Variants in EMILIN2 observed in about 807,000 individuals in gnomAD.
The protein encoded by EMILIN2 is EMILIN-2.
EMILIN2 carries 71 observed loss-of-function variants against 87.1 expected under a neutral mutation model. That is an observed-to-expected ratio of 0.82 (90% confidence interval 0.67 to 0.99). The LOEUF is 0.99. Ranked by LOEUF, EMILIN2 falls within the 50% of genes least tolerant of loss-of-function variation. The probability of loss-of-function intolerance (pLI) is 0.00; values close to 1 mark genes in which losing one functional copy is unlikely to be tolerated. For missense variants in EMILIN2, 1,407 were observed against 1,371.8 expected (o/e 1.03, Z -0.40); for synonymous variants, 581 against 563.4 (o/e 1.03, Z -0.44).
chr18:2,902,816 A>G (rs668304), intron 4 of EMILIN2, among the ~76,000 whole-genome samples: 45,354 of 151,964 alleles, frequency 0.3, 6,986 homozygotes, highest in African/African-American at 0.36. Flanking sequence ...GCTTAGCAAC[A>G]AATTTGTGTG....
intron 4 of EMILIN2, among the ~76,000 whole-genome samples, chr18:2,893,715 T>C (rs2076850769): frequency 6.6e-6 from 1 of 152,188 alleles, no homozygotes. Context: ...TTTTGAACAC[T>C]TTCTATGTAC....
intron 2 of EMILIN2, among the ~76,000 whole-genome samples, chr18:2,859,230 T>TA (rs2076648620): frequency 6.6e-6 from 1 of 152,144 alleles, no homozygotes; most frequent in Admixed American, 6.5e-5. Flanking sequence ...CCAATATCTA[T>TA]TATTTTTAAA....
chr18:2,861,129 A>T (rs1342352490), intron 2 of EMILIN2, among the ~76,000 whole-genome samples: 1 of 152,078 alleles, frequency 6.6e-6, no homozygotes, highest in Non-Finnish European at 1.5e-5. Context: ...GATTCTGGAT[A>T]TTAGCCCTTT....
chr18:2,900,513 G>A (rs542985860), intron 4 of EMILIN2, among the ~76,000 whole-genome samples: 3 of 152,316 alleles, frequency 2.0e-5, no homozygotes, highest in South Asian at 2.1e-4. Flanking sequence ...GATGGACATC[G>A]ACTTGGAGTA....
intron 5 of EMILIN2, among the ~76,000 whole-genome samples, chr18:2,907,537 A>C (rs1417925616): frequency 6.6e-6 from 1 of 152,170 alleles, no homozygotes; most frequent in South Asian, 2.1e-4. Context: ...AAATGAGGAG[A>C]GTGCAGGACC....
In EMILIN2 at chr18:2,847,989, G is replaced by A. The variant is rs940355717; in HGVS notation, c.257+58G>A. ...CGCCCGGGCCGGGGCGGTGGGGGTG[G>A]GGTGGGGTTGCTGCGCTGGGCTCCA... On this transcript the variant is annotated intron_variant, in intron 2 of 7. Transcript: ENST00000254528. This position sits in a 1 kb window ranked among gnomAD's most constrained non-coding sequence, Gnocchi z 4.5. The A allele has an allele frequency of 2.9e-5, 44 of 1,504,228 alleles. No individual in the cohort carries two copies. The highest frequency in any genetic ancestry group is 3.6e-5 in the Non-Finnish European group (41 of 1,127,422). 93.2% of individuals were successfully genotyped at this position (1,504,228 alleles called of 1,614,324 possible). A position where few individuals can be genotyped will look rare whatever the true frequency, so the allele number is the denominator to read the frequency against.
At position 2,847,263 on chromosome 18, in the gene EMILIN2, G is replaced by A; in HGVS notation, c.75G>A (p.Ala25=). ...TGGCGCTGCTGGCCCTGGTTGGCGCGGGGCTGTGCCACGCCGGCCCGCAGC... is the reference window on the plus strand; with the variant it reads ...TGGCGCTGCTGGCCCTGGTTGGCGCAGGGCTGTGCCACGCCGGCCCGCAGC... ...WALALLALVG[A]GLCHAGPQPG... is the part of the protein sequence containing the mutation. Residue 25 remains alanine, a synonymous_variant, in exon 1 of 8, where the codon GCG becomes GCA. Transcript: ENST00000254528. The surrounding 1 kb of genome is among the most constrained non-coding windows in gnomAD (Gnocchi z 4.5). The A allele has an allele frequency of 7.6e-7, 1 of 1,308,912 alleles. No homozygotes were observed. Among genetic ancestry groups the A allele is most frequent in the Non-Finnish European group, 9.7e-7 (1 of 1,031,530 alleles). 81.1% of individuals were successfully genotyped at this position (1,308,912 alleles called of 1,614,324 possible). A position where few individuals can be genotyped will look rare whatever the true frequency, so the allele number is the denominator to read the frequency against.
intron 2 of EMILIN2, among the ~76,000 whole-genome samples, chr18:2,882,644 G>T (rs2144020453): frequency 6.6e-6 from 1 of 152,222 alleles, no homozygotes; most frequent in African/African-American, 2.4e-5. Context: ...CACTTTGGGG[G>T]CTAAAGGGTG....
rs2076854609 is a variant in EMILIN2, at chr18:2,894,507, G to A, written c.2359+2021G>A. 6.6e-6 allele frequency among the ~76,000 whole-genome samples: 1 copy of A among 152,166 alleles called. No individual in the cohort carries two copies. Among genetic ancestry groups the A allele is most frequent in the African/African-American group, 2.4e-5 (1 of 41,438 alleles). On this transcript the variant is annotated intron_variant, in intron 4 of 7. Coordinates refer to ENST00000254528, the MANE Select transcript of EMILIN2 (RefSeq NM_032048.3). The surrounding 1 kb of genome is among the most constrained non-coding windows in gnomAD (Gnocchi z 5.0). Reference sequence around the variant, plus strand: ...AATGATTGTCCCTTGTGGTGACAACGCTGTCTGGTCTGTGTCTTACGATAA... The same window carrying A: ...AATGATTGTCCCTTGTGGTGACAACACTGTCTGGTCTGTGTCTTACGATAA...
At position 2,905,779 on chromosome 18, in the gene EMILIN2, TTTTG is replaced by T. The variant is rs1464515370; in HGVS notation, c.2360-1000_2360-997del. Among the ~76,000 whole-genome samples the T allele has an allele frequency of 1.9e-3, 193 of 100,862 alleles. 4 individuals are homozygous for T. In the Middle Eastern group the frequency reaches 0.019, roughly 10 times the overall value. The allele number at this position is 100,862 out of a possible 152,430, so 66.2% of individuals were successfully genotyped here. A position where few individuals can be genotyped will look rare whatever the true frequency, so the allele number is the denominator to read the frequency against. Reference sequence around the variant, plus strand: ...CACTACCCCGGGCTAATTTTTGTTTTTTTGTTTTTTTTTTTTGGATATTTGGAAG... The same window carrying T: ...CACTACCCCGGGCTAATTTTTGTTTTTTTTTTTTTTTTGGATATTTGGAAG... On this transcript the variant is annotated intron_variant, in intron 4 of 7. Transcript: ENST00000254528.
chr18:2,884,378 T>C (rs1297502618), intron 2 of EMILIN2, among the ~76,000 whole-genome samples: 1 of 152,076 alleles, frequency 6.6e-6, no homozygotes, highest in Non-Finnish European at 1.5e-5. Context: ...CAGCGGTAGC[T>C]GGGACTACAG....
At chr18:2,893,389 G>A (rs980237206) in intron 4 of EMILIN2, among the ~76,000 whole-genome samples, 2 of 152,206 alleles carry the variant, frequency 1.3e-5, no homozygotes, top group East Asian at 1.9e-4. Flanking sequence ...ACACAGGACC[G>A]TGGATGAGAG....
intron 4 of EMILIN2, among the ~76,000 whole-genome samples, chr18:2,905,749 C>T (rs1205512777): frequency 6.6e-6 from 1 of 150,900 alleles, no homozygotes; most frequent in Non-Finnish European, 1.5e-5. Flanking sequence ...ATTACAGGTG[C>T]GCTCCACTAC....
intron 5 of EMILIN2, among the ~76,000 whole-genome samples, chr18:2,907,869 A>G (rs528403211): frequency 1.4e-4 from 22 of 152,352 alleles, no homozygotes; most frequent in Non-Finnish European, 2.5e-4. Context: ...CCATAGATAC[A>G]TGCATAGAAC....
intron 2 of EMILIN2, among the ~76,000 whole-genome samples, chr18:2,858,264 G>A (rs1313615890): frequency 6.6e-6 from 1 of 151,202 alleles, no homozygotes; most frequent in Non-Finnish European, 1.5e-5. Context: ...CCCATCACTT[G>A]AGCAGTATAC....
chr18:2,913,010 C>T (rs2076948578), intron 7 of EMILIN2, 57 bp from the exon 8 acceptor site: 2 of 1,575,094 alleles, frequency 1.3e-6, no homozygotes, highest in Admixed American at 1.7e-5. Context: ...CACTTACTAC[C>T]ATGGCAAGGG....
Position 2,885,123 on chromosome 18 carries a change from C to T in EMILIN2, c.417C>T (p.Ser139=), listed in dbSNP as rs745636583. 2 of 1,605,192 alleles carry T rather than the reference C, an allele frequency of 1.2e-6. No homozygotes were observed. The highest frequency in any genetic ancestry group is 1.7e-6 in the Non-Finnish European group (2 of 1,176,790). The change falls in exon 3 of 8, where the codon AGC becomes AGT. Residue 139 remains serine, a synonymous_variant. Coordinates refer to ENST00000254528, the MANE Select transcript of EMILIN2 (RefSeq NM_032048.3). ...CCACGCCGGCTCGGCCTCGAAACAG[C>T]TTGAAGAAAGCCACAGGTAACTTCT... The part of the protein sequence containing the change: ...LRPTPARPRN[S]LKKATDNEPS...
Position 2,914,339 on chromosome 18 carries a change from GATC to G in EMILIN2, c.*936_*938del, listed in dbSNP as rs1487380300. 3 of 152,204 alleles carry G rather than the reference GATC, an allele frequency of 2.0e-5. No homozygotes were observed. Among genetic ancestry groups the G allele is most frequent in the Non-Finnish European group, 4.4e-5 (3 of 68,044 alleles). 9.4% of individuals were successfully genotyped at this position (152,204 alleles called of 1,614,324 possible). The stretch of plus-strand genomic sequence containing the variant: ...GGCTCCTCTGGGGATGCTGCACTCA[GATC>G]CCACAGCAGCTGCCCAGGCTAACTT... On this transcript the variant is annotated 3_prime_UTR_variant, in exon 8 of 8. Coordinates refer to ENST00000254528, the MANE Select transcript of EMILIN2 (RefSeq NM_032048.3).
intron 2 of EMILIN2, among the ~76,000 whole-genome samples, chr18:2,866,563 G>T (rs1443084192): frequency 6.6e-6 from 1 of 152,178 alleles, no homozygotes; most frequent in Non-Finnish European, 1.5e-5. Context: ...TTGAAACTTT[G>T]CTGAATTCAC....
Sources: gnomAD v4.1 joint callset for allele counts (sites outside exome capture counted in the v4.1 genomes callset) on GRCh38, gnomAD v4.1.1 for gene constraint, Gnocchi (gnomAD v3.1) non-coding constraint, MANE v1.5 for transcripts, NCBI Gene and HGNC (gene_info 2026-07-23, HGNC 2026-07-21) for gene names.